Variants in FBXO4 observed in about 807,000 individuals in gnomAD.
FBXO4 encodes F-box only protein 4.
FBXO4 carries 36 observed loss-of-function variants against 43.7 expected under a neutral mutation model. The observed-to-expected ratio is 0.82, with a 90% confidence interval of 0.63 to 1.09. FBXO4 has a LOEUF of 1.09. Ranked by LOEUF, FBXO4 falls within the 50% of genes least tolerant of loss-of-function variation. The pLI, the probability that FBXO4 is intolerant of heterozygous loss-of-function variation, is 0.00. For synonymous variants in FBXO4, 180 were observed against 165.6 expected, an observed-to-expected ratio of 1.09 and a Z score of -0.67; for missense variants, 435 against 474.1, an observed-to-expected ratio of 0.92 and a Z score of 0.77.
the FBXO4 span, among the ~76,000 whole-genome samples, chr5:42,010,082 A>T: frequency 3.9e-5 from 6 of 152,206 alleles, no homozygotes; most frequent in Non-Finnish European, 4.4e-5. Flanking sequence ...TAGCATAATT[A>T]TAAGGTACCT....
At chr5:41,954,516 A>C in the FBXO4 span, among the ~76,000 whole-genome samples, 1 of 152,222 alleles carries the variant, frequency 6.6e-6, no homozygotes, top group Non-Finnish European at 1.5e-5. Flanking sequence ...TGAATCATAT[A>C]ATCATAATGC....
chr5:42,010,967 G>T, the FBXO4 span, among the ~76,000 whole-genome samples: 1 of 151,900 alleles, frequency 6.6e-6, no homozygotes, highest in East Asian at 1.9e-4. Flanking sequence ...ATGGTGGTTT[G>T]CTGCACCCAT....
At chr5:41,999,495 ATATATATATGTG>A in the FBXO4 span, among the ~76,000 whole-genome samples, 10 of 54,938 alleles carry the variant, frequency 1.8e-4, no homozygotes, top group African/African-American at 7.6e-4. Flanking sequence ...ATATATATAC[ATATATATATGTG>A]TATATATATA....
intron 2 of FBXO4, among the ~76,000 whole-genome samples, chr5:41,929,050 G>A (rs939547793): frequency 6.6e-6 from 1 of 152,158 alleles, no homozygotes; most frequent in African/African-American, 2.4e-5. Flanking sequence ...ATTAATAGAA[G>A]TACCCAAGAC....
chr5:41,978,344 G>A, the FBXO4 span, among the ~76,000 whole-genome samples: 1 of 151,834 alleles, frequency 6.6e-6, no homozygotes, highest in Admixed American at 6.6e-5. Flanking sequence ...AGGTTTGGAG[G>A]GAACAAACAT....
At chr5:41,929,601 C>G in intron 2 of FBXO4, 96 bp from the exon 3 acceptor site, 2 of 817,478 alleles carry the variant, frequency 2.4e-6, no homozygotes, top group Non-Finnish European at 3.8e-6. Flanking sequence ...TCATTGTATC[C>G]ATTGTGTCTA....
chr5:41,976,122 T>A, the FBXO4 span, among the ~76,000 whole-genome samples: 1 of 152,140 alleles, frequency 6.6e-6, no homozygotes, highest in South Asian at 2.1e-4. Flanking sequence ...GAAGGATTTG[T>A]TTCTATGATC....
chr5:41,952,084 G>T, the FBXO4 span: 1 of 192,804 alleles, frequency 5.2e-6, no homozygotes, highest in South Asian at 1.1e-4. Flanking sequence ...TAGAGGTACT[G>T]TTCCATTTGG....
the FBXO4 span, among the ~76,000 whole-genome samples, chr5:41,989,873 G>T: frequency 6.6e-6 from 1 of 152,112 alleles, no homozygotes; most frequent in Non-Finnish European, 1.5e-5. Flanking sequence ...TGACTGCTGG[G>T]TCTATTTAGC....
the FBXO4 span, among the ~76,000 whole-genome samples, chr5:41,969,096 T>A: frequency 6.6e-6 from 1 of 152,234 alleles, no homozygotes; most frequent in Non-Finnish European, 1.5e-5. Context: ...CTTCTTTTTA[T>A]ACTCTACAGT....
chr5:41,998,880 T>C, the FBXO4 span, among the ~76,000 whole-genome samples: 4 of 151,882 alleles, frequency 2.6e-5, no homozygotes, highest in Middle Eastern at 3.4e-3. Flanking sequence ...CTCAGGTAAA[T>C]CTTAGCACAT....
the FBXO4 span, among the ~76,000 whole-genome samples, chr5:42,037,443 GT>G: frequency 6.6e-6 from 1 of 152,002 alleles, no homozygotes; most frequent in Admixed American, 6.6e-5. Flanking sequence ...ATTTTATAAA[GT>G]TAATCAGGGA....
At chr5:41,963,977 T>A in the FBXO4 span, 9 of 152,204 alleles carry the variant, frequency 5.9e-5, no homozygotes, top group Non-Finnish European at 1.3e-4. Context: ...GTCAGGATGA[T>A]TTTTTATGCT....
At chr5:41,987,273 C>G in the FBXO4 span, among the ~76,000 whole-genome samples, 1 of 152,072 alleles carries the variant, frequency 6.6e-6, no homozygotes, top group East Asian at 1.9e-4. Flanking sequence ...TATAATGCAA[C>G]CATCTCTCTT....
chr5:41,974,097 C>T, the FBXO4 span, among the ~76,000 whole-genome samples: 3 of 152,104 alleles, frequency 2.0e-5, no homozygotes, highest in African/African-American at 4.8e-5. Flanking sequence ...TTTCTTTCTC[C>T]GTATGTATGT....
At chr5:42,034,130 T>A in the FBXO4 span, among the ~76,000 whole-genome samples, 1 of 152,220 alleles carries the variant, frequency 6.6e-6, no homozygotes, top group Non-Finnish European at 1.5e-5. Flanking sequence ...TTAAGCTTTT[T>A]TTTTCATGTT....
At chr5:41,954,994 G>A in the FBXO4 span, among the ~76,000 whole-genome samples, 1 of 152,156 alleles carries the variant, frequency 6.6e-6, no homozygotes, top group Non-Finnish European at 1.5e-5. Context: ...AGAGTTTTTA[G>A]TTGCTCTATG....
At chr5:41,946,552 A>G, downstream of FBXO4, among the ~76,000 whole-genome samples, 2 of 152,350 alleles carry the variant, frequency 1.3e-5, no homozygotes, top group South Asian at 2.1e-4. Context: ...GATCTATTTC[A>G]TGACTTTTCA....
chr5:41,989,021 C>T, the FBXO4 span, among the ~76,000 whole-genome samples: 5 of 152,152 alleles, frequency 3.3e-5, no homozygotes, highest in African/African-American at 4.8e-5. Context: ...TAATGTAAGT[C>T]GAACAAATTT....
Sources: allele counts gnomAD v4.1 joint callset (sites outside exome capture counted in the v4.1 genomes callset), GRCh38; gene constraint gnomAD v4.1.1; transcripts MANE v1.5; gene names NCBI Gene and HGNC (gene_info 2026-07-23, HGNC 2026-07-21).